CELSR3: variants seen among roughly 807,000 people sequenced by gnomAD.
CELSR3 encodes EGF-like protein 1.
In CELSR3, 73 loss-of-function variants were observed where a neutral mutation model predicts 270.0. The observed-to-expected ratio is 0.27, with a 90% CI of 0.22 to 0.33. The LOEUF (loss-of-function observed/expected upper bound fraction) is 0.33. CELSR3 is among the 10% of genes least tolerant of loss of function. The pLI is 1.00. For synonymous variants in CELSR3, 1,780 were observed against 1,905.4 expected (o/e 0.93, Z 1.71); for missense variants, 3,614 against 4,533.8 (o/e 0.80, Z 5.83).
rs371420712 is a variant in CELSR3 at position 48,646,056 on chromosome 3, C to T, written c.7463+34G>A. On this transcript the variant is annotated intron_variant, in intron 22 of 34. Transcript: ENST00000164024. This position sits in a 1 kb window ranked among gnomAD's most constrained non-coding sequence, Gnocchi z 4.8. ...TATTAGTTGGCCTCCCAAGGGCTAA[C>T]GGGACCAAGGGTTTCCAGAATGGGG... 6.6e-5 allele frequency: 106 copies of T among 1,608,682 alleles called. No individual in the cohort carries two copies. The highest frequency in any genetic ancestry group is 2.2e-4 in the Admixed American group (13 of 59,376).
Position 48,655,380 on chromosome 3 carries a change from C to A in CELSR3, c.4756G>T (p.Val1586Leu). The A allele has an allele frequency of 6.2e-7, 1 of 1,614,118 alleles. No homozygotes were observed. The highest frequency in any genetic ancestry group is 8.5e-7 in the Non-Finnish European group (1 of 1,179,988). Residue 1586 changes from valine (V) to leucine (L), a missense_variant, in exon 5 of 35, where the codon GTG (valine) becomes TTG (leucine). By Grantham distance (32) the Val-to-Leu change is conservative. Coordinates refer to ENST00000164024, the MANE Select transcript of CELSR3 (RefSeq NM_001407.3). This position sits in a 1 kb window ranked among gnomAD's most constrained non-coding sequence, Gnocchi z 5.8. ...LTYSTGESNT[V>L]VSPTVPGGLS... ...CCCCCTGGAACTGTGGGGCTGACCA[C>A]GGTGTTGGATTCACCTGGAGGGGAG...
Position 48,652,182 on chromosome 3 carries a change from A to C in CELSR3, c.5752-134T>G. On this transcript the variant is annotated intron_variant, in intron 11 of 34. Transcript: ENST00000164024. This position sits in a 1 kb window ranked among gnomAD's most constrained non-coding sequence, Gnocchi z 4.3. The stretch of plus-strand genomic sequence containing the variant: ...TACCCTCAAAAAACCCAGGCCTCAA[A>C]AATATCCCCAATTTGGTACCCCTGT... 2.1e-6 allele frequency: 2 copies of C among 936,376 alleles called. No homozygotes were observed. Among genetic ancestry groups the C allele is most frequent in the Non-Finnish European group, 3.1e-6 (2 of 648,558 alleles). 58.0% of individuals were successfully genotyped at this position (936,376 alleles called of 1,614,324 possible).
rs763161573 is a variant in CELSR3 at position 48,661,181 on chromosome 3, G to C, written c.1454C>G (p.Ala485Gly). ...GCCGGAGCGTGGATCAATCTCGAAGGCGGCGGCAGCTGCAGCGCGCGCAGC... is the reference window on the plus strand; with the variant it reads ...GCCGGAGCGTGGATCAATCTCGAAGCCGGCGGCAGCTGCAGCGCGCGCAGC... ...PPAARAAAAA[A>G]FEIDPRSGLI... Residue 485 changes from alanine to glycine, a missense_variant, in exon 1 of 35, where the codon GCC (alanine) becomes GGC (glycine). Ala to Gly is a moderately conservative substitution (Grantham distance 60). Coordinates refer to ENST00000164024, the MANE Select transcript of CELSR3 (RefSeq NM_001407.3). The C allele has an allele frequency of 6.3e-7, 1 of 1,597,116 alleles. No individual in the cohort carries two copies. Among genetic ancestry groups the C allele is most frequent in the Non-Finnish European group, 8.5e-7 (1 of 1,171,446 alleles).
At chr3:48,649,908 C>A (rs895501302) in intron 16 of CELSR3, among the ~76,000 whole-genome samples, 6 of 152,130 alleles carry the variant, frequency 3.9e-5, no homozygotes, top group Admixed American at 2.6e-4. Context: ...ACTGCAGAGA[C>A]CTCAAGCAGC....
At position 48,642,134 on chromosome 3, in the gene CELSR3, G is replaced by A. The variant is rs982508502; in HGVS notation, c.8666-125C>T. 2.6e-5 allele frequency: 25 copies of A among 967,322 alleles called. No individual in the cohort carries two copies. The highest frequency in any genetic ancestry group is 3.6e-5 in the Non-Finnish European group (24 of 668,452). 59.9% of individuals were successfully genotyped at this position (967,322 alleles called of 1,614,324 possible). A position where few individuals can be genotyped will look rare whatever the true frequency, so the allele number is the denominator to read the frequency against. ...GGGTTGGGGACAGGAACCGGGGCTT[G>A]AAGTGGAGGTAGCAGCAGAAGGGCT... On this transcript the variant is annotated intron_variant, in intron 31 of 34. Transcript: ENST00000164024. This position sits in a 1 kb window ranked among gnomAD's most constrained non-coding sequence, Gnocchi z 6.1.
rs776496977 is a variant in CELSR3, at chr3:48,650,982, C to T, written c.6280G>A (p.Gly2094Arg). ...STSRSCAPHS[G>R]QCPCRPGALG... ...GCTCCTGGGCGACAGGGGCACTGCC[C>T]GCTGTGGGGTGCACATGAGCGCGAG... Residue 2094 changes from glycine to arginine, a missense_variant, in exon 15 of 35, where the codon GGG (glycine) becomes AGG (arginine). By Grantham distance (125) the Gly-to-Arg change is moderately radical. Transcript: ENST00000164024. The surrounding 1 kb of genome is among the most constrained non-coding windows in gnomAD (Gnocchi z 5.1). 3.1e-6 allele frequency: 5 copies of T among 1,611,426 alleles called. No individual in the cohort carries two copies. The highest frequency in any genetic ancestry group is 2.2e-5 in the East Asian group (1 of 44,858).
rs767624117 is a variant in CELSR3, at chr3:48,657,234, A to C, written c.3863T>G (p.Leu1288Arg). ...GAGGAAGCGGCCCAGCAGCGGTGAC[A>C]GGAAGCGCTCCTGCCACATGTTCTC... ...RLENMWQERFLSPLLGRFLEG... is the reference protein window; with the variant it reads ...RLENMWQERFRSPLLGRFLEG... The change falls in exon 2 of 35, where the codon CTG (leucine) becomes CGG (arginine). Residue 1288 changes from leucine to arginine, a missense_variant. Coordinates refer to ENST00000164024, the MANE Select transcript of CELSR3 (RefSeq NM_001407.3). This position sits in a 1 kb window ranked among gnomAD's most constrained non-coding sequence, Gnocchi z 5.4. 6.2e-7 allele frequency: 1 copy of C among 1,613,238 alleles called. No individual in the cohort carries two copies. Among genetic ancestry groups the C allele is most frequent in the East Asian group, 2.2e-5 (1 of 44,846 alleles).
chr3:48,640,862 T>C lies in CELSR3; in HGVS notation c.9026-303A>G. ...CAGAAGAGGGGCAGCCCTCAGGTCC[T>C]GACAATGCAGGCCTGGCTGAAATGC... On this transcript the variant is annotated intron_variant, in intron 33 of 34. Coordinates refer to ENST00000164024, the MANE Select transcript of CELSR3 (RefSeq NM_001407.3). This position sits in a 1 kb window ranked among gnomAD's most constrained non-coding sequence, Gnocchi z 7.5. The C allele has an allele frequency of 2.0e-6, 1 of 489,246 alleles. No individual in the cohort carries two copies. Among genetic ancestry groups the C allele is most frequent in the Non-Finnish European group, 3.6e-6 (1 of 276,158 alleles). 30.3% of individuals were successfully genotyped at this position (489,246 alleles called of 1,614,324 possible).
Position 48,656,171 on chromosome 3 carries a change from G to T in CELSR3, c.4594C>A (p.Arg1532=). 1 of 1,537,566 alleles carries T rather than the reference G, an allele frequency of 6.5e-7. No individual in the cohort carries two copies. Among genetic ancestry groups the T allele is most frequent in the Non-Finnish European group, 8.7e-7 (1 of 1,147,902 alleles). The change falls in exon 3 of 35, where the codon CGG becomes AGG. Residue 1532 remains arginine, a synonymous_variant. Coordinates refer to ENST00000164024, the MANE Select transcript of CELSR3 (RefSeq NM_001407.3). ...GACAGCGTAAGGTGGAATCGCTGCCGCAGGCCGCGAAACATGACGAACGAA... is the reference window on the plus strand; with the variant it reads ...GACAGCGTAAGGTGGAATCGCTGCCTCAGGCCGCGAAACATGACGAACGAA... The part of the protein sequence containing the change: ...PSSFVMFRGL[R]QRFHLTLSLS...
At position 48,651,284 on chromosome 3, in the gene CELSR3, G is replaced by A; in HGVS notation, c.6186+75C>T. On this transcript the variant is annotated intron_variant, in intron 14 of 34. Transcript: ENST00000164024. This position sits in a 1 kb window ranked among gnomAD's most constrained non-coding sequence, Gnocchi z 7.4. Reference sequence around the variant, plus strand: ...AAGAGGTTAGGGCCCAAGTCAGGTGGCGGAGGTCAGCAAGCTGGACAGGAA... The same window carrying A: ...AAGAGGTTAGGGCCCAAGTCAGGTGACGGAGGTCAGCAAGCTGGACAGGAA... 6.3e-7 allele frequency: 1 copy of A among 1,590,148 alleles called. No individual in the cohort carries two copies. The highest frequency in any genetic ancestry group is 1.1e-5 in the South Asian group (1 of 87,852).
At position 48,644,418 on chromosome 3, in the gene CELSR3, C is replaced by T. The variant is rs542933101; in HGVS notation, c.8086-123G>A. ...AGGCAGAACCAGTGAGAAATTCACACATATACACACACACCAAAGGAGCTT... is the reference window on the plus strand; with the variant it reads ...AGGCAGAACCAGTGAGAAATTCACATATATACACACACACCAAAGGAGCTT... On this transcript the variant is annotated intron_variant, in intron 26 of 34. Transcript: ENST00000164024. This position sits in a 1 kb window ranked among gnomAD's most constrained non-coding sequence, Gnocchi z 4.8. The T allele has an allele frequency of 5.6e-4, 466 of 831,478 alleles. 3 individuals carry two copies. In the African/African-American group the frequency reaches 7.0e-3, roughly 12 times the overall value. 51.5% of individuals were successfully genotyped at this position (831,478 alleles called of 1,614,324 possible).
At position 48,657,631 on chromosome 3, in the gene CELSR3, C is replaced by T. The variant is rs1383148292; in HGVS notation, c.3749-283G>A. On this transcript the variant is annotated intron_variant, in intron 1 of 34. Coordinates refer to ENST00000164024, the MANE Select transcript of CELSR3 (RefSeq NM_001407.3). This position sits in a 1 kb window ranked among gnomAD's most constrained non-coding sequence, Gnocchi z 5.4. ...GTGCCCATGGGTTAGCAAGTCACTCCCGCAACAGCACTCAAGTACCCTAAG... is the reference window on the plus strand; with the variant it reads ...GTGCCCATGGGTTAGCAAGTCACTCTCGCAACAGCACTCAAGTACCCTAAG... 6.6e-6 allele frequency among the ~76,000 whole-genome samples: 1 copy of T among 152,192 alleles called. No individual in the cohort carries two copies. Among genetic ancestry groups the T allele is most frequent in the African/African-American group, 2.4e-5 (1 of 41,446 alleles).
At chr3:48,656,048 TGGGGATGCCAGGAC>T (rs2047177799) in intron 3 of CELSR3, 78 bp downstream of exon 3, 1 of 1,115,246 alleles carries the variant, frequency 9.0e-7, no homozygotes, top group African/African-American at 2.4e-5. Flanking sequence ...CGGTGTCTCA[TGGGGATGCCAGGAC>T]GGGGCAGTCA....
At position 48,641,430 on chromosome 3, in the gene CELSR3, G is replaced by A. The variant is rs2047025418; in HGVS notation, c.8919C>T (p.Arg2973=). The change falls in exon 33 of 35, where the codon CGC becomes CGT. Residue 2973 remains arginine, a synonymous_variant. Transcript: ENST00000164024. This position sits in a 1 kb window ranked among gnomAD's most constrained non-coding sequence, Gnocchi z 4.8. The part of the protein sequence containing the change: ...CALQTWGSER[R]LGLDTSKDAA... ...CATCCTTGCTGGTGTCCAGCCCCAG[G>A]CGCCTTTCAGAGCCCCAAGTCTGCA... is the stretch of plus-strand genomic sequence containing the variant. The A allele has an allele frequency of 6.2e-7, 1 of 1,612,562 alleles. No individual in the cohort carries two copies. Among genetic ancestry groups the A allele is most frequent in the East Asian group, 2.2e-5 (1 of 44,862 alleles).
In CELSR3 at chr3:48,639,745, G is replaced by C. The variant is rs779197221; in HGVS notation, c.9840C>G (p.Ala3280=). 1 of 1,613,750 alleles carries C rather than the reference G, an allele frequency of 6.2e-7. No homozygotes were observed. Among genetic ancestry groups the C allele is most frequent in the Non-Finnish European group, 8.5e-7 (1 of 1,179,976 alleles). The change falls in exon 34 of 35, where the codon GCC becomes GCG. Residue 3280 remains alanine, a synonymous_variant. Coordinates refer to ENST00000164024, the MANE Select transcript of CELSR3 (RefSeq NM_001407.3). The surrounding 1 kb of genome is among the most constrained non-coding windows in gnomAD (Gnocchi z 4.1). ...GTGGCGTGGAGGGCCCAAGCACAGA[G>C]GCTGTGGCAGAAGGTGTGGCAGTGG... is the stretch of plus-strand genomic sequence containing the variant. ...PHTTATPSAT[A]SVLGPSTPRS...
chr3:48,652,334 G>A lies in CELSR3; in HGVS notation c.5751+103C>T, dbSNP rs994325726. 8.7e-5 allele frequency: 85 copies of A among 979,330 alleles called. No individual in the cohort carries two copies. In the African/African-American group the frequency reaches 8.8e-4, roughly 10 times the overall value. 60.7% of individuals were successfully genotyped at this position (979,330 alleles called of 1,614,324 possible). On this transcript the variant is annotated intron_variant, in intron 11 of 34. Transcript: ENST00000164024. The surrounding 1 kb of genome is among the most constrained non-coding windows in gnomAD (Gnocchi z 4.3). ...TCAACTCTGGGTCATTCACCCCCTC[G>A]CACCAACCCCCACTTGAATACTGCC...
intron 20 of CELSR3, among the ~76,000 whole-genome samples, chr3:48,647,183 G>A (rs1415662762): frequency 6.7e-5 from 2 of 29,772 alleles, no homozygotes; most frequent in Admixed American, 4.2e-4. Context: ...GTGGAGGGGA[G>A]ATGTGGGAGG....
chr3:48,656,922 G>A lies in CELSR3; in HGVS notation c.4175C>T (p.Ser1392Phe). The A allele has an allele frequency of 6.2e-7, 1 of 1,611,344 alleles. No homozygotes were observed. Among genetic ancestry groups the A allele is most frequent in the Non-Finnish European group, 8.5e-7 (1 of 1,178,748 alleles). The change falls in exon 2 of 35, where the codon TCC becomes TTC. Residue 1392 changes from serine (S) to phenylalanine (F), a missense_variant. By Grantham distance (155) the Ser-to-Phe change is radical. This residue lies in a region of CELSR3 where 1,331 missense variants were observed against 1,933.7 expected (regional missense o/e 0.69). Coordinates refer to ENST00000164024, the MANE Select transcript of CELSR3 (RefSeq NM_001407.3). Reference sequence around the variant, plus strand: ...CGCGGACGAGTCAAAGCGGAGCACGGACACGCATTTCATGTAGTTCTCACA... The same window carrying A: ...CGCGGACGAGTCAAAGCGGAGCACGAACACGCATTTCATGTAGTTCTCACA... ...EPCENYMKCV[S>F]VLRFDSSAPF...
Position 48,647,849 on chromosome 3 carries a change from G to T in CELSR3, c.7121C>A (p.Pro2374Gln). 6.2e-7 allele frequency: 1 copy of T among 1,609,684 alleles called. No homozygotes were observed. Residue 2374 changes from proline (P) to glutamine (Q), a missense_variant, in exon 20 of 35, where the codon CCA becomes CAA. Pro to Gln is a moderately conservative substitution (Grantham distance 76, BLOSUM62 -1). This residue lies in a region of CELSR3 where 1,240 missense variants were observed against 1,351.7 expected (regional missense o/e 0.92). Transcript: ENST00000164024. ...CCCCTAGGGGCTCTCACCTTCAGAT[G>T]GGGATGGCCGTGGGGACTGGGAAGG... Reference protein sequence around the residue: ...LLPSQSPRPSPSEVLPTSSSI... With the variant: ...LLPSQSPRPSQSEVLPTSSSI...
Sources: allele counts gnomAD v4.1 joint callset (sites outside exome capture counted in the v4.1 genomes callset), GRCh38; gene constraint gnomAD v4.1.1; regional missense constraint gnomAD v4.1.1; non-coding constraint Gnocchi (gnomAD v3.1); transcripts MANE v1.5; gene names NCBI Gene and HGNC (gene_info 2026-07-23, HGNC 2026-07-21).